DSCAM: variants seen among roughly 807,000 people sequenced by gnomAD.
DSCAM encodes DS cell adhesion molecule.
A neutral mutation model predicts 217.7 loss-of-function variants in DSCAM; 47 were observed. The observed-to-expected ratio is 0.22, with a 90% CI of 0.17 to 0.28. DSCAM has a LOEUF of 0.28. Ranked by LOEUF, DSCAM falls within the 10% of genes least tolerant of loss-of-function variation. The pLI is 1.00. For missense variants in DSCAM, 2,080 were observed against 2,618.3 expected (o/e 0.79, Z 4.49); for synonymous variants, 1,056 against 1,015.3 (o/e 1.04, Z -0.76).
intron 14 of DSCAM, among the ~76,000 whole-genome samples, chr21:40,182,541 A>G (rs2090819874): frequency 6.6e-6 from 1 of 151,044 alleles, no homozygotes; most frequent in Admixed American, 6.6e-5. Context: ...AGAGGCCAAC[A>G]GAGAAACCGT....
intron 20 of DSCAM, among the ~76,000 whole-genome samples, chr21:40,098,532 C>A (rs1294663367): frequency 2.0e-5 from 3 of 152,234 alleles, no homozygotes; most frequent in Non-Finnish European, 4.4e-5. Flanking sequence ...TTTCCTCACA[C>A]TTTATGCTGT....
intron 3 of DSCAM, among the ~76,000 whole-genome samples, chr21:40,627,218 T>C (rs111453557): frequency 6.6e-6 from 1 of 152,118 alleles, no homozygotes; most frequent in East Asian, 1.9e-4. Flanking sequence ...CAAATAGAAG[T>C]GAATGCAAAG....
intron 3 of DSCAM, among the ~76,000 whole-genome samples, chr21:40,621,843 A>C (rs1193618608): frequency 6.9e-6 from 1 of 145,398 alleles, no homozygotes; most frequent in African/African-American, 2.5e-5. Flanking sequence ...TCAAGATGAA[A>C]ATGTGAACTG....
chr21:40,237,809 A>C (rs1485119868), intron 11 of DSCAM, among the ~76,000 whole-genome samples: 1 of 152,146 alleles, frequency 6.6e-6, no homozygotes, highest in Non-Finnish European at 1.5e-5. Context: ...CAAGTCTCTT[A>C]AGGGCTGCCT....
At chr21:40,066,093 A>T (rs2089202696) in intron 27 of DSCAM, among the ~76,000 whole-genome samples, 2 of 152,214 alleles carry the variant, frequency 1.3e-5, no homozygotes, top group South Asian at 4.1e-4. Flanking sequence ...CCCAGTAGGC[A>T]GGGGTGAAGC....
chr21:40,079,173 C>A (rs1210347656), intron 25 of DSCAM, among the ~76,000 whole-genome samples, 196 bp from the exon 26 acceptor site: 1 of 152,184 alleles, frequency 6.6e-6, no homozygotes, highest in Non-Finnish European at 1.5e-5. Flanking sequence ...CTGTAATGAC[C>A]TGGGTGTGTG....
chr21:40,144,579 G>A lies in DSCAM; in HGVS notation c.3171C>T (p.Phe1057=). Residue 1057 remains phenylalanine (F), a synonymous_variant, in exon 17 of 33, where the codon TTC becomes TTT. Coordinates refer to ENST00000400454, the MANE Select transcript of DSCAM (RefSeq NM_001389.5). This position sits in a 1 kb window ranked among gnomAD's most constrained non-coding sequence, Gnocchi z 4.8. ...EVYTLDNLNK[F]TQYGLVVQAC... ...CCTGCACCACCAGGCCGTACTGAGT[G>A]AACTTATTCAGGTTGTCCAGGGTGT... is the stretch of plus-strand genomic sequence containing the variant. 2.5e-6 allele frequency: 4 copies of A among 1,614,182 alleles called. No individual in the cohort carries two copies.
chr21:40,792,785 T>C (rs1232670320), intron 1 of DSCAM, among the ~76,000 whole-genome samples: 1 of 152,184 alleles, frequency 6.6e-6, no homozygotes, highest in African/African-American at 2.4e-5. Flanking sequence ...GCAAGACATC[T>C]GTGGGCTGAG....
At chr21:40,822,656 T>C (rs941894796) in intron 1 of DSCAM, among the ~76,000 whole-genome samples, 1 of 152,162 alleles carries the variant, frequency 6.6e-6, no homozygotes, top group East Asian at 1.9e-4. Flanking sequence ...TCTTCGGTCA[T>C]TAATAACATT....
At chr21:40,341,906 G>C (rs2074496214) in intron 6 of DSCAM, among the ~76,000 whole-genome samples, 1 of 152,016 alleles carries the variant, frequency 6.6e-6, no homozygotes, top group South Asian at 2.1e-4. Context: ...TTTTCATCTG[G>C]AACATTCTTC....
intron 3 of DSCAM, among the ~76,000 whole-genome samples, chr21:40,578,545 C>A (rs1488451652): frequency 2.0e-5 from 3 of 152,274 alleles, no homozygotes; most frequent in Non-Finnish European, 2.9e-5. Flanking sequence ...GTGGGCAGGG[C>A]CAAATAAGAG....
At chr21:40,403,586 C>T (rs1304908014) in intron 3 of DSCAM, among the ~76,000 whole-genome samples, 1 of 151,718 alleles carries the variant, frequency 6.6e-6, no homozygotes, top group African/African-American at 2.4e-5. Context: ...TAATCATTGT[C>T]ATCAACACAC....
intron 15 of DSCAM, among the ~76,000 whole-genome samples, chr21:40,170,255 C>A (rs1350296458): frequency 1.3e-5 from 2 of 152,168 alleles, no homozygotes; most frequent in African/African-American, 4.8e-5. Context: ...GGCCTGGGGA[C>A]CTGTCCCTGT....
chr21:40,471,565 A>AT (rs376294247), intron 3 of DSCAM, among the ~76,000 whole-genome samples: 1 of 152,110 alleles, frequency 6.6e-6, no homozygotes, highest in African/African-American at 2.4e-5. Flanking sequence ...GCTGGCTATG[A>AT]TTTTTTTCTT....
intron 3 of DSCAM, among the ~76,000 whole-genome samples, chr21:40,453,189 C>T (rs2075735964): frequency 6.6e-6 from 1 of 151,810 alleles, no homozygotes; most frequent in African/African-American, 2.4e-5. Flanking sequence ...AATGTATAAC[C>T]TTTTTATCTG....
chr21:40,512,559 T>A (rs145692206), intron 3 of DSCAM, among the ~76,000 whole-genome samples: 2 of 152,130 alleles, frequency 1.3e-5, no homozygotes, highest in African/African-American at 4.8e-5. Context: ...TCTGTCTCCA[T>A]CTATTGCCAA....
chr21:40,272,613 T>A (rs576025626), intron 11 of DSCAM, among the ~76,000 whole-genome samples: 3 of 152,310 alleles, frequency 2.0e-5, no homozygotes, highest in Admixed American at 1.3e-4. Flanking sequence ...GATCTCACAG[T>A]GAGCCCCCAG....
intron 3 of DSCAM, among the ~76,000 whole-genome samples, chr21:40,390,232 TAC>T (rs1311813542): frequency 6.6e-6 from 1 of 152,214 alleles, no homozygotes; most frequent in Non-Finnish European, 1.5e-5. Flanking sequence ...AATCAAAAAC[TAC>T]ATTTTTGTTC....
At chr21:40,373,408 G>A in intron 3 of DSCAM, among the ~76,000 whole-genome samples, 1 of 152,060 alleles carries the variant, frequency 6.6e-6, no homozygotes, top group East Asian at 1.9e-4. Flanking sequence ...TATCTCTAGG[G>A]AGCTTATAAT....
Sources: allele counts gnomAD v4.1 joint callset (sites outside exome capture counted in the v4.1 genomes callset), GRCh38; gene constraint gnomAD v4.1.1; non-coding constraint Gnocchi (gnomAD v3.1); transcripts MANE v1.5; gene names NCBI Gene and HGNC (gene_info 2026-07-23, HGNC 2026-07-21).